SERINC1: variants seen among roughly 807,000 people sequenced by gnomAD.
SERINC1 encodes the protein tumor differentially expressed protein 2.
Under a neutral mutation model 52.9 loss-of-function variants are expected in SERINC1, and 38 were observed. The observed-to-expected ratio is 0.72, with a 90% CI of 0.55 to 0.94. The LOEUF (loss-of-function observed/expected upper bound fraction) is 0.94. SERINC1 is among the 40% of genes least tolerant of loss of function. The pLI is 0.00. For missense variants in SERINC1, 471 were observed against 533.9 expected (o/e 0.88, Z 1.16); for synonymous variants, 198 against 183.1 (o/e 1.08, Z -0.66).
chr6:122,451,882 G>T lies in SERINC1; in HGVS notation c.759+6C>A. 1 of 1,508,924 alleles carries T rather than the reference G, an allele frequency of 6.6e-7. No homozygotes were observed. 93.5% of individuals were successfully genotyped at this position (1,508,924 alleles called of 1,614,324 possible). A position where few individuals can be genotyped will look rare whatever the true frequency, so the allele number is the denominator to read the frequency against. ...TTCATAAAAACTAATGCTTTAAAGG[G>T]CATACTTGGATTTTTGGCAGTATAG... On this transcript the variant is annotated splice_donor_region_variant and intron_variant, in intron 6 of 9. Transcript: ENST00000339697.
intron 1 of SERINC1, among the ~76,000 whole-genome samples, chr6:122,464,407 A>G (rs1329545605): frequency 4.6e-5 from 7 of 152,102 alleles, no homozygotes; most frequent in Non-Finnish European, 1.0e-4. Context: ...TGAGAAGGGG[A>G]AAAAAAGTGA....
At chr6:122,455,086 T>C (rs1357350805) in intron 3 of SERINC1, among the ~76,000 whole-genome samples, 1 of 152,188 alleles carries the variant, frequency 6.6e-6, no homozygotes, top group African/African-American at 2.4e-5. Context: ...GACCTTATTA[T>C]TGTCTTTATT....
At chr6:122,459,436 G>C (rs1458442985) in intron 1 of SERINC1, among the ~76,000 whole-genome samples, 2 of 152,160 alleles carry the variant, frequency 1.3e-5, no homozygotes, top group Non-Finnish European at 2.9e-5. Context: ...AGCTCTAGGG[G>C]AAAAGAGTCT....
intron 1 of SERINC1, among the ~76,000 whole-genome samples, chr6:122,466,590 T>G (rs1775197316): frequency 6.6e-6 from 1 of 152,112 alleles, no homozygotes; most frequent in Non-Finnish European, 1.5e-5. Context: ...TACCTTGGCC[T>G]CCCAAAGTGC....
At chr6:122,459,486 C>T (rs1264789063) in intron 1 of SERINC1, among the ~76,000 whole-genome samples, 1 of 152,150 alleles carries the variant, frequency 6.6e-6, no homozygotes, top group African/African-American at 2.4e-5. Context: ...AGCCAGACCA[C>T]TACACCAACC....
intron 1 of SERINC1, 26 bp downstream of exon 1, chr6:122,471,673 C>T: frequency 6.2e-7 from 1 of 1,614,082 alleles, no homozygotes; most frequent in East Asian, 2.2e-5. Context: ...ACACTAGCAC[C>T]CCAGAGGCCG....
chr6:122,451,776 AATATAT>A (rs1554211251), intron 6 of SERINC1, 22 bp from the exon 7 acceptor site: 17 of 113,072 alleles, frequency 1.5e-4, no homozygotes, highest in South Asian at 1.3e-3. Context: ...AAAAAAAAAA[AATATAT>A]ATATATATAT....
At chr6:122,454,496 A>G in intron 3 of SERINC1, 1 of 322,384 alleles carries the variant, frequency 3.1e-6, no homozygotes, top group Non-Finnish European at 5.9e-6. Context: ...TCCAATTGGA[A>G]AAAACAAAGC....
At chr6:122,446,474 A>G (rs1026636220) in intron 9 of SERINC1, among the ~76,000 whole-genome samples, 1 of 152,156 alleles carries the variant, frequency 6.6e-6, no homozygotes, top group African/African-American at 2.4e-5. Context: ...CTATCTTTAC[A>G]GAATTGAAAA....
In SERINC1 at chr6:122,454,237, C is replaced by A; in HGVS notation, c.372-7G>T. ...AAATTTAAAGAACCAAAATCTAAAA[C>A]AAAAAGAAATATAATTTTTTATTAA... On this transcript the variant is annotated splice_region_variant and splice_polypyrimidine_tract_variant and intron_variant, in intron 3 of 9. Transcript: ENST00000339697. 2.1e-6 allele frequency: 3 copies of A among 1,456,776 alleles called. No homozygotes were observed. Among genetic ancestry groups the A allele is most frequent in the Admixed American group, 1.9e-5 (1 of 51,344 alleles). 90.2% of individuals were successfully genotyped at this position (1,456,776 alleles called of 1,614,324 possible).
intron 1 of SERINC1, among the ~76,000 whole-genome samples, chr6:122,470,947 TTTACTC>T (rs1483085810): frequency 1.3e-5 from 2 of 151,672 alleles, no homozygotes; most frequent in Non-Finnish European, 2.9e-5. Flanking sequence ...TGAAAATAGT[TTTACTC>T]TAACAACTCT....
intron 3 of SERINC1, 151 bp from the exon 4 acceptor site, chr6:122,454,381 T>C (rs1271244318): frequency 5.3e-6 from 3 of 562,142 alleles, no homozygotes; most frequent in Admixed American, 3.3e-5. Context: ...AGTGTAGCCA[T>C]ATTTGTAACT....
intron 9 of SERINC1, among the ~76,000 whole-genome samples, chr6:122,445,883 C>CAACAAAAAA (rs775303717): frequency 1.6e-5 from 1 of 62,836 alleles, no homozygotes; most frequent in Admixed American, 2.5e-4. Flanking sequence ...GACTCCATTT[C>CAACAAAAAA]AAAAAAAAAA....
intron 1 of SERINC1, among the ~76,000 whole-genome samples, chr6:122,463,332 G>C (rs554596861): frequency 1.7e-4 from 26 of 152,018 alleles, no homozygotes; most frequent in South Asian, 4.2e-4. Context: ...TAAAAAACAG[G>C]ACTCACAAAA....
At chr6:122,447,301 A>G (rs1774823293) in intron 7 of SERINC1, 36 bp from the exon 8 acceptor site, 1 of 1,517,364 alleles carries the variant, frequency 6.6e-7, no homozygotes, top group African/African-American at 1.4e-5. Flanking sequence ...GTTAGAATAT[A>G]TTAAAAAGAT....
chr6:122,445,235 C>G (rs1774768941), intron 9 of SERINC1, 56 bp from the exon 10 acceptor site: 1 of 1,548,182 alleles, frequency 6.5e-7, no homozygotes, highest in Non-Finnish European at 8.8e-7. Context: ...TTATCAGCCA[C>G]CAAGCTATGA....
At chr6:122,450,575 G>C (rs1774887209) in intron 7 of SERINC1, among the ~76,000 whole-genome samples, 1 of 152,154 alleles carries the variant, frequency 6.6e-6, no homozygotes, top group Non-Finnish European at 1.5e-5. Flanking sequence ...AGCTGCCATA[G>C]AGTAATTCCT....
At chr6:122,454,596 C>T in intron 3 of SERINC1, 2 of 201,570 alleles carry the variant, frequency 9.9e-6, no homozygotes, top group South Asian at 2.4e-4. Flanking sequence ...GAGCAAATGG[C>T]TGGAAAAGAA....
In SERINC1 at chr6:122,451,708, A is replaced by G; in HGVS notation, c.806T>C (p.Val269Ala). The G allele has an allele frequency of 8.3e-7, 1 of 1,205,966 alleles. No homozygotes were observed. The highest frequency in any genetic ancestry group is 1.1e-6 in the Non-Finnish European group (1 of 911,508). 74.7% of individuals were successfully genotyped at this position (1,205,966 alleles called of 1,614,324 possible). The change falls in exon 7 of 10, where the codon GTC becomes GCC. Residue 269 changes from valine to alanine, a missense_variant. By Grantham distance (64) the Val-to-Ala change is moderately conservative. Coordinates refer to ENST00000339697, the MANE Select transcript of SERINC1 (RefSeq NM_020755.4). Reference protein sequence around the residue: ...SGLLQSSVITVYTMYLTWSAM... With the variant: ...SGLLQSSVITAYTMYLTWSAM... Reference sequence around the variant, plus strand: ...TGACCATGTCAAATACATTGTGTAGACTGTAATTACTGAAGACTGTAACAA... The same window carrying G: ...TGACCATGTCAAATACATTGTGTAGGCTGTAATTACTGAAGACTGTAACAA...
Sources: allele counts gnomAD v4.1 joint callset (sites outside exome capture counted in the v4.1 genomes callset), GRCh38; gene constraint gnomAD v4.1.1; transcripts MANE v1.5; gene names NCBI Gene and HGNC (gene_info 2026-07-23, HGNC 2026-07-21).